The following RNF17 variants were observed in gnomAD, a reference collection of about 807,000 sequenced individuals.
The protein encoded by RNF17 is ring finger protein 17.
In RNF17, 31 loss-of-function variants were observed where a neutral mutation model predicts 200.5. That is an observed-to-expected ratio of 0.15 (90% CI 0.12 to 0.21). RNF17 has a LOEUF of 0.21. Among genes scored for constraint, RNF17 ranks in the 10% least tolerant of loss-of-function variants. The probability of loss-of-function intolerance (pLI) is 1.00; values close to 1 mark genes in which losing one functional copy is unlikely to be tolerated. For synonymous variants in RNF17, 606 were observed against 637.8 expected (o/e 0.95, Z 0.75); for missense variants, 1,628 against 1,905.1 (o/e 0.85, Z 2.71).
intron 18 of RNF17, among the ~76,000 whole-genome samples, chr13:24,834,769 A>G (rs1457041818): frequency 6.6e-6 from 1 of 152,186 alleles, no homozygotes; most frequent in Non-Finnish European, 1.5e-5. Context: ...CTCCACAGGG[A>G]GAAGGAAATC....
intron 32 of RNF17, among the ~76,000 whole-genome samples, chr13:24,873,887 C>T (rs1164266072): frequency 1.3e-5 from 2 of 152,156 alleles, no homozygotes; most frequent in East Asian, 3.8e-4. Context: ...AACAGGATTC[C>T]ATTCTTTTTT....
intron 3 of RNF17, among the ~76,000 whole-genome samples, chr13:24,776,294 T>C (rs1212197556): frequency 6.6e-6 from 1 of 152,220 alleles, no homozygotes; most frequent in Non-Finnish European, 1.5e-5. Flanking sequence ...TAGTTGTTCA[T>C]TAAGTATTCA....
chr13:24,825,481 T>G, intron 15 of RNF17, 138 bp from the exon 16 acceptor site: 1 of 654,268 alleles, frequency 1.5e-6, no homozygotes, highest in Non-Finnish European at 2.5e-6. Flanking sequence ...TAAAATAAAT[T>G]ACGTAACACA....
At chr13:24,840,522 T>TAC (rs1566206300) in intron 18 of RNF17, among the ~76,000 whole-genome samples, 2 of 94,712 alleles carry the variant, frequency 2.1e-5, no homozygotes, top group African/African-American at 9.6e-5. Context: ...GATTTATACA[T>TAC]ATATATATGT....
chr13:24,802,119 G>A (rs1317425910), intron 13 of RNF17, among the ~76,000 whole-genome samples: 1 of 152,052 alleles, frequency 6.6e-6, no homozygotes, highest in Non-Finnish European at 1.5e-5. Context: ...CCGAGTAGCT[G>A]GGATTAAAGG....
intron 15 of RNF17, among the ~76,000 whole-genome samples, chr13:24,808,325 G>C (rs1886151663): frequency 6.6e-6 from 1 of 151,898 alleles, no homozygotes; most frequent in Admixed American, 6.6e-5. Flanking sequence ...ATTTCCTTGA[G>C]CAGTGGTTTG....
rs139125471 is a variant in RNF17 at position 24,782,478 on chromosome 13, G to A, written c.611+534G>A. ...CTCCTAAAGTGCTGGGATTACAGGT[G>A]TACATAACGGTGCCCAGCTGAAGCT... On this transcript the variant is annotated intron_variant, in intron 6 of 35. Transcript: ENST00000255324. Among the ~76,000 whole-genome samples, 3 of 152,172 alleles carry A rather than the reference G, an allele frequency of 2.0e-5. No individual in the cohort carries two copies. The East Asian group carries it at 5.8e-4, about 29-fold the overall frequency.
At chr13:24,820,109 T>A (rs1887853529) in intron 15 of RNF17, among the ~76,000 whole-genome samples, 1 of 116,422 alleles carries the variant, frequency 8.6e-6, no homozygotes, top group African/African-American at 3.3e-5. Context: ...TCTTGTCTCT[T>A]TTTTCTTTTT....
At chr13:24,885,532 G>A in the RNF17 span, 23 of 1,287,332 alleles carry the variant, frequency 1.8e-5, no homozygotes, top group Admixed American at 5.1e-5. Context: ...GTTTAGAAAC[G>A]TTAAGTCTAT....
chr13:24,757,307 G>T, the RNF17 span, among the ~76,000 whole-genome samples: 1 of 150,074 alleles, frequency 6.7e-6, no homozygotes, highest in Admixed American at 6.7e-5. Flanking sequence ...TCAGGGCTCT[G>T]CCAGGACAAT....
chr13:24,758,096 C>T, the RNF17 span, among the ~76,000 whole-genome samples: 1 of 152,218 alleles, frequency 6.6e-6, no homozygotes, highest in Non-Finnish European at 1.5e-5. Context: ...GAAGAATCCA[C>T]TATGCTTTCT....
At chr13:24,805,198 CTT>C (rs1885701887) in intron 15 of RNF17, among the ~76,000 whole-genome samples, 1 of 152,068 alleles carries the variant, frequency 6.6e-6, no homozygotes, top group African/African-American at 2.4e-5. Context: ...TTTACAGCGT[CTT>C]TTATGGTAAA....
At position 24,871,484 on chromosome 13, in the gene RNF17, C is replaced by T. The variant is rs150147125; in HGVS notation, c.4447+745C>T. ...TCCCAAGTAGTTGGGATTACAGGTG[C>T]GTGCCACCACACCCAGCCAATTTTT... is the stretch of plus-strand genomic sequence containing the variant. On this transcript the variant is annotated intron_variant, in intron 32 of 35. Transcript: ENST00000255324. 3.0e-3 allele frequency among the ~76,000 whole-genome samples: 458 copies of T among 152,164 alleles called. 5 individuals are homozygous for T. Among genetic ancestry groups the T allele is most frequent in the African/African-American group, 0.01 (430 of 41,512 alleles).
intron 1 of RNF17, 139 bp from the exon 2 acceptor site, chr13:24,767,133 G>A: frequency 1.7e-6 from 1 of 602,426 alleles, no homozygotes; most frequent in South Asian, 2.0e-5. Flanking sequence ...GGAGGCTGAG[G>A]TAGGAGGATC....
At chr13:24,861,998 A>G (rs930157977) in intron 27 of RNF17, among the ~76,000 whole-genome samples, 1 of 151,310 alleles carries the variant, frequency 6.6e-6, no homozygotes, top group Non-Finnish European at 1.5e-5. Context: ...CCTTCTTCAC[A>G]AGGTTGCAGG....
At chr13:24,844,885 A>T (rs183941313) in intron 21 of RNF17, 76 bp from the exon 22 acceptor site, 25 of 1,562,276 alleles carry the variant, frequency 1.6e-5, no homozygotes, top group Non-Finnish European at 8.8e-6. Context: ...AACAGTTTTC[A>T]TTGAGTTTTT....
At chr13:24,818,828 T>A (rs979668557) in intron 15 of RNF17, among the ~76,000 whole-genome samples, 20 of 152,088 alleles carry the variant, frequency 1.3e-4, no homozygotes, top group African/African-American at 4.1e-4. Flanking sequence ...TGTTTTTTTT[T>A]AATTAATTCT....
At chr13:24,792,932 A>C (rs1387723293) in intron 9 of RNF17, 110 bp from the exon 10 acceptor site, 9 of 728,572 alleles carry the variant, frequency 1.2e-5, no homozygotes, top group Middle Eastern at 3.7e-4. Context: ...TTGAATAATC[A>C]TGCCCAAAAG....
chr13:24,881,827 C>T (rs1430000121), downstream of RNF17, among the ~76,000 whole-genome samples: 1 of 125,516 alleles, frequency 8.0e-6, no homozygotes, highest in African/African-American at 2.9e-5. Context: ...TATATAGATA[C>T]ATCTATATAG....
Sources: gnomAD v4.1 joint callset for allele counts (sites outside exome capture counted in the v4.1 genomes callset) on GRCh38, gnomAD v4.1.1 for gene constraint, MANE v1.5 for transcripts, NCBI Gene and HGNC (gene_info 2026-07-23, HGNC 2026-07-21) for gene names.